Variants in KRABD4 observed in about 807,000 individuals in gnomAD.
The protein encoded by KRABD4 is KRAB domain-containing protein 4.
the KRABD4 span, among the ~76,000 whole-genome samples, chrX:46,458,402 C>T: frequency 8.9e-6 from 1 of 111,940 alleles, no homozygotes; most frequent in Middle Eastern, 4.7e-3. Flanking sequence ...CACAGTAATG[C>T]CCTTTCTAGA....
chrX:46,473,580 G>T, the KRABD4 span: 1 of 491,911 alleles, frequency 2.0e-6, no homozygotes, highest in South Asian at 3.4e-5. Flanking sequence ...TGCATAAGTT[G>T]CATGCTATTG....
the KRABD4 span, chrX:46,463,394 G>A: frequency 1.4e-5 from 11 of 811,134 alleles, no homozygotes; most frequent in South Asian, 2.1e-5. Flanking sequence ...TCAGAGCCTC[G>A]GACTTGTGGA....
chrX:46,449,974 C>G, the KRABD4 span, among the ~76,000 whole-genome samples: 1 of 110,954 alleles, frequency 9.0e-6, no homozygotes, highest in Non-Finnish European at 1.9e-5. Context: ...CCAGGCTGGT[C>G]TCGAACTCCT....
chrX:46,452,548 C>T, the KRABD4 span, among the ~76,000 whole-genome samples: 3,558 of 111,527 alleles, frequency 0.032, 59 homozygotes, highest in Non-Finnish European at 0.048. Flanking sequence ...CAGTGGCCTA[C>T]CCCGCTTACA....
chrX:46,448,981 T>C, the KRABD4 span, among the ~76,000 whole-genome samples: 7 of 111,253 alleles, frequency 6.3e-5, no homozygotes, highest in Non-Finnish European at 1.1e-4. Context: ...TGCTGCCTTA[T>C]TTCAATGCTT....
At chrX:46,447,623 C>T in the KRABD4 span, among the ~76,000 whole-genome samples, 1 of 110,640 alleles carries the variant, frequency 9.0e-6, no homozygotes, top group Non-Finnish European at 1.9e-5. Context: ...CTGATTGAGT[C>T]ACTCCGCGCC....
chrX:46,459,301 G>A, the KRABD4 span, among the ~76,000 whole-genome samples: 3 of 90,281 alleles, frequency 3.3e-5, no homozygotes, highest in Non-Finnish European at 6.4e-5. Context: ...GCAACAGAGC[G>A]AGACTGTCTC....
At chrX:46,473,553 A>G in the KRABD4 span, 1 of 571,498 alleles carries the variant, frequency 1.7e-6, no homozygotes, top group Non-Finnish European at 2.7e-6. Context: ...CTCTCATTGT[A>G]TGTCACAGAA....
chrX:46,455,406 AG>A, the KRABD4 span: 1 of 457,204 alleles, frequency 2.2e-6, no homozygotes, highest in Non-Finnish European at 4.0e-6. Flanking sequence ...CAATGTGTAG[AG>A]TAGGCTGCAT....
chrX:46,467,663 G>T, the KRABD4 span, among the ~76,000 whole-genome samples: 1 of 111,757 alleles, frequency 8.9e-6, no homozygotes, highest in Non-Finnish European at 1.9e-5. Flanking sequence ...TATATAGGGG[G>T]ATCTCATTGT....
the KRABD4 span, chrX:46,454,247 C>A: frequency 6.4e-6 from 1 of 157,264 alleles, no homozygotes; most frequent in Non-Finnish European, 1.4e-5. Flanking sequence ...GCTGTGCCAG[C>A]CTCTGCTGAA....
chrX:46,472,710 A>T, the KRABD4 span: 1 of 1,189,090 alleles, frequency 8.4e-7, no homozygotes, highest in Admixed American at 2.3e-5. Context: ...TTCTAGTGGA[A>T]AGACTTAACA....
chrX:46,462,694 G>C, the KRABD4 span: 1 of 1,210,847 alleles, frequency 8.3e-7, no homozygotes, highest in East Asian at 3.0e-5. Flanking sequence ...GAGATGCCAT[G>C]TCCCAGTGCC....
At chrX:46,460,531 A>G in the KRABD4 span, among the ~76,000 whole-genome samples, 1 of 108,520 alleles carries the variant, frequency 9.2e-6, no homozygotes, top group African/African-American at 3.4e-5. Flanking sequence ...CGGACCTTTC[A>G]TGCCCTCTCT....
At chrX:46,465,563 C>T in the KRABD4 span, among the ~76,000 whole-genome samples, 1 of 112,769 alleles carries the variant, frequency 8.9e-6, no homozygotes, top group Admixed American at 9.3e-5. Flanking sequence ...AAGGAAACAA[C>T]AAATGATATC....
At chrX:46,462,619 G>A in the KRABD4 span, 1 of 1,124,103 alleles carries the variant, frequency 8.9e-7, no homozygotes, top group Non-Finnish European at 1.2e-6. Context: ...TAGGCTCTGT[G>A]CACCTCACGC....
chrX:46,459,972 A>G, the KRABD4 span, among the ~76,000 whole-genome samples: 1 of 112,109 alleles, frequency 8.9e-6, no homozygotes, highest in Non-Finnish European at 1.9e-5. Flanking sequence ...GCTTAGTCCC[A>G]CAAGACTGCC....
the KRABD4 span, chrX:46,472,883 C>G: frequency 8.3e-7 from 1 of 1,211,641 alleles, no homozygotes; most frequent in Middle Eastern, 2.3e-4. Context: ...GTAGAAAAAG[C>G]ATTTATCTGA....
At chrX:46,468,563 T>G in the KRABD4 span, among the ~76,000 whole-genome samples, 1 of 110,595 alleles carries the variant, frequency 9.0e-6, no homozygotes, top group Non-Finnish European at 1.9e-5. Context: ...ATGTTAATAG[T>G]AAGAATTTCA....
Sources: allele counts gnomAD v4.1 joint callset (sites outside exome capture counted in the v4.1 genomes callset), GRCh38; gene constraint gnomAD v4.1.1; transcripts MANE v1.5; gene names NCBI Gene and HGNC (gene_info 2026-07-23, HGNC 2026-07-21).